The following FCGR1A variants were observed in gnomAD, a reference collection of about 807,000 sequenced individuals.
FCGR1A encodes the protein high affinity immunoglobulin gamma Fc receptor I.
A neutral mutation model predicts 35.0 loss-of-function variants in FCGR1A; 13 were observed. That is an observed-to-expected ratio of 0.37 (90% CI 0.24 to 0.59). FCGR1A has a LOEUF of 0.59. Ranked by LOEUF, FCGR1A falls within the 20% of genes least tolerant of loss-of-function variation. FCGR1A has a pLI of 0.71. For missense variants in FCGR1A, 227 were observed against 430.0 expected (o/e 0.53, Z 4.17); for synonymous variants, 91 against 164.7 (o/e 0.55, Z 3.43).
At chr1:149,799,740 C>A in the FCGR1A span, among the ~76,000 whole-genome samples, 2 of 152,128 alleles carry the variant, frequency 1.3e-5, no homozygotes, top group Non-Finnish European at 2.9e-5. Context: ...ACTTTTCTTT[C>A]ATCTCTGCAT....
chr1:149,787,424 G>A (rs2091582408), intron 3 of FCGR1A: 3 of 152,224 alleles, frequency 2.0e-5, no homozygotes, highest in Admixed American at 2.0e-4. Flanking sequence ...AAAGCCCATT[G>A]ACTTGGAGCT....
downstream of FCGR1A, among the ~76,000 whole-genome samples, chr1:149,793,454 AC>A (rs1451530525): frequency 6.6e-6 from 1 of 152,228 alleles, no homozygotes; most frequent in Admixed American, 6.5e-5. Context: ...ACAAGGGCCC[AC>A]GGCCCATCCT....
Position 149,788,549 on chromosome 1 carries a change from G to A in FCGR1A, c.491G>A (p.Gly164Asp). The A allele has an allele frequency of 8.1e-6, 13 of 1,613,894 alleles. No homozygotes were observed. The highest frequency in any genetic ancestry group is 9.3e-6 in the Non-Finnish European group (11 of 1,179,852). Residue 164 changes from glycine to aspartate, a missense_variant, in exon 4 of 6, where the codon GGC (glycine) becomes GAC (aspartate). This residue lies in a region of FCGR1A where 185 missense variants were observed against 306.6 expected (regional missense o/e 0.60). Transcript: ENST00000369168. Reference sequence around the variant, plus strand: ...CTGAAAACCAACATAAGTCACAATGGCACCTACCATTGCTCAGGCATGGGA... The same window carrying A: ...CTGAAAACCAACATAAGTCACAATGACACCTACCATTGCTCAGGCATGGGA... ...TILKTNISHN[G>D]TYHCSGMGKH...
downstream of FCGR1A, chr1:149,792,660 G>A (rs1553752151): frequency 5.5e-6 from 7 of 1,277,176 alleles, no homozygotes; most frequent in South Asian, 8.7e-5. Flanking sequence ...TGTATCTGGG[G>A]GCCGCAGCCG....
At chr1:149,784,806 C>T (rs1264395435) in intron 3 of FCGR1A, among the ~76,000 whole-genome samples, 4 of 151,114 alleles carry the variant, frequency 2.6e-5, no homozygotes, top group Admixed American at 1.3e-4. Context: ...CTTAAAATAC[C>T]TTAAAGTTCT....
At chr1:149,788,973 G>A (rs587643973) in intron 4 of FCGR1A, among the ~76,000 whole-genome samples, 1,769 of 151,900 alleles carry the variant, frequency 0.012, 24 homozygotes, top group African/African-American at 0.04. Flanking sequence ...TCTCATGGAA[G>A]CCCCATAGAA....
chr1:149,791,611 C>T lies in FCGR1A; in HGVS notation c.*94C>T, dbSNP rs1553751958. On this transcript the variant is annotated 3_prime_UTR_variant, in exon 6 of 6. Transcript: ENST00000369168. ...ACAAACATCCAAAAGTTCAACAACACCAGAACTGTGTGTCTCATGGTATGT... is the reference window on the plus strand; with the variant it reads ...ACAAACATCCAAAAGTTCAACAACATCAGAACTGTGTGTCTCATGGTATGT... The T allele has an allele frequency of 6.5e-7, 1 of 1,535,530 alleles. No homozygotes were observed. The highest frequency in any genetic ancestry group is 1.4e-5 in the African/African-American group (1 of 70,324).
the FCGR1A span, among the ~76,000 whole-genome samples, chr1:149,800,175 A>G: frequency 6.6e-6 from 1 of 152,192 alleles, no homozygotes; most frequent in Admixed American, 6.5e-5. Context: ...AAAAATACAG[A>G]TGAAAAGATG....
chr1:149,796,443 C>T (rs1553752792), downstream of FCGR1A, among the ~76,000 whole-genome samples: 1 of 152,142 alleles, frequency 6.6e-6, no homozygotes, highest in Non-Finnish European at 1.5e-5. Flanking sequence ...AACAGCAGTC[C>T]TCTGGAGCCT....
intron 3 of FCGR1A, among the ~76,000 whole-genome samples, chr1:149,784,975 C>T (rs1262199629): frequency 6.6e-6 from 1 of 151,948 alleles, no homozygotes; most frequent in East Asian, 1.9e-4. Context: ...ATTCCGGGGG[C>T]ACATTTCATA....
intron 4 of FCGR1A, among the ~76,000 whole-genome samples, chr1:149,789,771 C>T (rs139875589): frequency 1.2e-3 from 186 of 152,284 alleles, no homozygotes; most frequent in African/African-American, 4.3e-3. Flanking sequence ...CTTCACCCCC[C>T]GGCTGTGGAA....
chr1:149,790,188 G>A lies in FCGR1A; in HGVS notation c.694G>A (p.Gly232Ser). ...GLQLYFSFYM[G>S]SKTLRGRNTS... is the part of the protein sequence containing the mutation. ...GCAGCTTTACTTCTCCTTCTACATGGGCAGCAAGACCCTGCGAGGCAGGAA... is the reference window on the plus strand; with the variant it reads ...GCAGCTTTACTTCTCCTTCTACATGAGCAGCAAGACCCTGCGAGGCAGGAA... Residue 232 changes from glycine to serine, a missense_variant, in exon 5 of 6, where the codon GGC (glycine) becomes AGC (serine). Physicochemically the swap from Gly to Ser is moderately conservative, Grantham distance 56. Around this residue, in one of 3 missense-constraint regions of FCGR1A, gnomAD observed 185 missense variants for 306.6 expected, o/e 0.60. Transcript: ENST00000369168. 1 of 1,613,842 alleles carries A rather than the reference G, an allele frequency of 6.2e-7. No individual in the cohort carries two copies. Among genetic ancestry groups the A allele is most frequent in the South Asian group, 1.1e-5 (1 of 91,056 alleles).
At chr1:149,793,112 C>A (rs782559755), downstream of FCGR1A, 2 of 1,273,778 alleles carry the variant, frequency 1.6e-6, no homozygotes, top group South Asian at 2.5e-5. Flanking sequence ...GGGATGCTGC[C>A]GGCCTCAGGT....
chr1:149,790,061 T>C lies in FCGR1A; in HGVS notation c.567T>C (p.Phe189=). The part of the protein sequence containing the change: ...AGISVTVKEL[F]PAPVLNASVT... The stretch of plus-strand genomic sequence containing the variant: ...CATCAACTTTCTCCTTAGAGCTATT[T>C]CCAGCTCCAGTGCTGAATGCATCTG... The change falls in exon 5 of 6, where the codon TTT becomes TTC. Residue 189 remains phenylalanine, a synonymous_variant. Coordinates refer to ENST00000369168, the MANE Select transcript of FCGR1A (RefSeq NM_000566.4). 1 of 1,613,744 alleles carries C rather than the reference T, an allele frequency of 6.2e-7. No homozygotes were observed. The highest frequency in any genetic ancestry group is 1.1e-5 in the South Asian group (1 of 91,082).
At chr1:149,799,611 A>T in the FCGR1A span, among the ~76,000 whole-genome samples, 1 of 152,298 alleles carries the variant, frequency 6.6e-6, no homozygotes, top group Non-Finnish European at 1.5e-5. Flanking sequence ...ACAATCAGCA[A>T]ATCTTATTTG....
At chr1:149,785,457 C>T (rs1553750723) in intron 3 of FCGR1A, among the ~76,000 whole-genome samples, 1 of 125,322 alleles carries the variant, frequency 8.0e-6, no homozygotes, top group African/African-American at 3.0e-5. Context: ...CACTCCGTTG[C>T]CCAGGCTGGA....
downstream of FCGR1A, chr1:149,792,442 T>C (rs1361335977): frequency 2.8e-5 from 27 of 952,256 alleles, no homozygotes; most frequent in South Asian, 4.4e-4. Flanking sequence ...CTGTGTAACA[T>C]AGCTGAGGTA....
chr1:149,799,098 C>A, the FCGR1A span, among the ~76,000 whole-genome samples: 1 of 141,810 alleles, frequency 7.1e-6, no homozygotes, highest in Non-Finnish European at 1.5e-5. Context: ...TTAGCAATAT[C>A]TTTTACCAAA....
intron 3 of FCGR1A, among the ~76,000 whole-genome samples, chr1:149,785,053 G>A (rs1467328465): frequency 1.3e-5 from 2 of 152,184 alleles, no homozygotes; most frequent in Admixed American, 1.3e-4. Flanking sequence ...AAGCAGAAAA[G>A]CCCACCACCC....
Sources: allele counts gnomAD v4.1 joint callset (sites outside exome capture counted in the v4.1 genomes callset), GRCh38; gene constraint gnomAD v4.1.1; regional missense constraint gnomAD v4.1.1; transcripts MANE v1.5; gene names NCBI Gene and HGNC (gene_info 2026-07-23, HGNC 2026-07-21).